Variants in MICAL3 observed in about 807,000 individuals in gnomAD.
MICAL3 encodes [F-actin]-monooxygenase MICAL3.
In MICAL3, 62 loss-of-function variants were observed where a neutral mutation model predicts 207.4. The observed-to-expected ratio is 0.30, with a 90% CI of 0.24 to 0.37. The LOEUF is 0.37. Ranked by LOEUF, MICAL3 falls within the 10% of genes least tolerant of loss-of-function variation. The probability of loss-of-function intolerance (pLI) is 1.00; values close to 1 mark genes in which losing one functional copy is unlikely to be tolerated. For synonymous variants in MICAL3, 1,077 were observed against 1,069.3 expected (o/e 1.01, Z -0.14); for missense variants, 2,368 against 2,635.6 (o/e 0.90, Z 2.22).
chr22:17,978,773 C>A (rs867478823), intron 1 of MICAL3, among the ~76,000 whole-genome samples: 28 of 151,902 alleles, frequency 1.8e-4, no homozygotes, highest in African/African-American at 6.5e-4. Flanking sequence ...CCCGCCTCGG[C>A]CTCCCAAAGT....
Position 17,790,798 on chromosome 22 carries a change from C to T in MICAL3, c.5943G>A (p.Glu1981=). Residue 1981 remains glutamate, a synonymous_variant, in exon 32 of 32, where the codon GAG becomes GAA. Coordinates refer to ENST00000441493, the MANE Select transcript of MICAL3 (RefSeq NM_015241.3). ...CCTCCAGGTCCTTGTCCTCCTCTCT[C>T]TCCCGGAGCCGCTGCTCCTCCAGCA... ...VALLEEQRLR[E]REEDKDLEAA... 2 of 1,613,396 alleles carry T rather than the reference C, an allele frequency of 1.2e-6. No homozygotes were observed. Among genetic ancestry groups the T allele is most frequent in the Non-Finnish European group, 1.7e-6 (2 of 1,179,760 alleles).
chr22:17,860,432 G>A (rs546537146), intron 19 of MICAL3: 18 of 985,320 alleles, frequency 1.8e-5, no homozygotes, highest in Middle Eastern at 5.2e-4. Flanking sequence ...TACCGCCGCC[G>A]GGAAGCCGGC....
chr22:17,923,966 G>T (rs749697327), intron 1 of MICAL3, among the ~76,000 whole-genome samples: 1 of 152,168 alleles, frequency 6.6e-6, no homozygotes, highest in Non-Finnish European at 1.5e-5. Context: ...TAGTGGAAGG[G>T]GAAGCAAACA....
Position 17,901,943 on chromosome 22 carries a change from T to G in MICAL3, c.626A>C (p.His209Pro). The stretch of plus-strand genomic sequence containing the variant: ...TTCAAATTCATACTCTGACACAGGA[T>G]GAGTCTTGGGGTGCACCAGTGCCCG... The part of the protein sequence containing the change: ...GWRALVHPKT[H>P]PVSEYEFEVI... Residue 209 changes from histidine (H) to proline (P), a missense_variant, in exon 5 of 32, where the codon CAT becomes CCT. Physicochemically the swap from His to Pro is moderately conservative, Grantham distance 77. Coordinates refer to ENST00000441493, the MANE Select transcript of MICAL3 (RefSeq NM_015241.3). 6.2e-7 allele frequency: 1 copy of G among 1,613,794 alleles called. No individual in the cohort carries two copies. The highest frequency in any genetic ancestry group is 8.5e-7 in the Non-Finnish European group (1 of 1,179,844).
rs777870341 is a variant in MICAL3, at chr22:17,818,192, A to T, written c.4469T>A (p.Leu1490Ter). 1 of 1,565,204 alleles carries T rather than the reference A, an allele frequency of 6.4e-7. No individual in the cohort carries two copies. Among genetic ancestry groups the T allele is most frequent in the Non-Finnish European group, 8.6e-7 (1 of 1,161,246 alleles). Residue 1490 changes from leucine to a stop codon, truncating the protein, a stop_gained, in exon 26 of 32, where the codon TTG (leucine) becomes TAG (stop). Transcript: ENST00000441493. LOFTEE classifies it high-confidence loss of function. ...EPNASVVPPP[L>*]PATWMRPPRE... ...GGGGGGCCGCATCCAGGTGGCGGGC[A>T]AGGGCGGCGGGACCACCGAGGCATT...
In MICAL3 at chr22:17,980,965, C is replaced by G. The variant is rs561392930; in HGVS notation, c.-75+43316G>C. 33 of 519,932 alleles carry G rather than the reference C, an allele frequency of 6.3e-5. No homozygotes were observed. In the East Asian group the frequency reaches 7.3e-4, roughly 11 times the overall value. 32.2% of individuals were successfully genotyped at this position (519,932 alleles called of 1,614,324 possible). On this transcript the variant is annotated intron_variant, in intron 1 of 31. Transcript: ENST00000441493. ...CACACTTGGAGGTGTCTGTGATCAT[C>G]TGTCTATTGGTCCCCTCCAGACACT...
At chr22:18,017,215 C>CTTT (rs550219938) in intron 1 of MICAL3, among the ~76,000 whole-genome samples, 2 of 144,612 alleles carry the variant, frequency 1.4e-5, no homozygotes, top group Non-Finnish European at 3.0e-5. Flanking sequence ...CAGAGGTTAA[C>CTTT]TTTTTTTTTT....
intron 19 of MICAL3, among the ~76,000 whole-genome samples, chr22:17,848,176 G>A (rs1021332022): frequency 1.3e-5 from 2 of 152,210 alleles, no homozygotes; most frequent in African/African-American, 2.4e-5. Flanking sequence ...TCACAGTGAC[G>A]TTCGTGCTGC....
At chr22:17,897,898 C>A (rs1930986075) in intron 7 of MICAL3, among the ~76,000 whole-genome samples, 1 of 152,198 alleles carries the variant, frequency 6.6e-6, no homozygotes, top group Admixed American at 6.5e-5. Flanking sequence ...TTGGAGGTTC[C>A]TGGCACACTG....
intron 1 of MICAL3, among the ~76,000 whole-genome samples, chr22:17,990,307 G>A (rs1225898223): frequency 6.6e-6 from 1 of 152,156 alleles, no homozygotes; most frequent in African/African-American, 2.4e-5. Context: ...AAAGAAACCT[G>A]TGCTGACTCA....
chr22:17,800,564 C>T (rs2061927028), intron 29 of MICAL3, among the ~76,000 whole-genome samples: 1 of 152,138 alleles, frequency 6.6e-6, no homozygotes, highest in Non-Finnish European at 1.5e-5. Context: ...TTAGGTAGTT[C>T]ACTGAGAGCC....
chr22:17,876,606 C>CA (rs201727902), intron 16 of MICAL3: 1 of 152,668 alleles, frequency 6.6e-6, no homozygotes, highest in Non-Finnish European at 1.5e-5. Flanking sequence ...CAGTAGCCCC[C>CA]TGGGGGGCAG....
In MICAL3 at chr22:17,806,330, G is replaced by A. The variant is rs905003493; in HGVS notation, c.5650+2514C>T. ...GTCCCTTTATGTAGGTGGGTAACAC[G>A]TTTTGCTGCGGTATTACAGCATGGC... On this transcript the variant is annotated intron_variant, in intron 29 of 31. Coordinates refer to ENST00000441493, the MANE Select transcript of MICAL3 (RefSeq NM_015241.3). Among the ~76,000 whole-genome samples, 12 of 152,092 alleles carry A rather than the reference G, an allele frequency of 7.9e-5. No individual in the cohort carries two copies. In the East Asian group the frequency reaches 1.5e-3, roughly 20 times the overall value.
intron 1 of MICAL3, among the ~76,000 whole-genome samples, chr22:17,907,114 A>C (rs1931783116): frequency 6.6e-6 from 1 of 152,216 alleles, no homozygotes; most frequent in Non-Finnish European, 1.5e-5. Context: ...AGGCAGACAC[A>C]GACACAGAAT....
chr22:17,808,786 C>T (rs1212905282), intron 29 of MICAL3, 58 bp downstream of exon 29: 4 of 1,438,674 alleles, frequency 2.8e-6, no homozygotes, highest in Non-Finnish European at 1.9e-6. Context: ...ACTAGCCTAC[C>T]ACGGCGGGAG....
intron 1 of MICAL3, among the ~76,000 whole-genome samples, chr22:17,909,256 G>A (rs758494168): frequency 2.0e-5 from 3 of 152,208 alleles, no homozygotes; most frequent in Non-Finnish European, 4.4e-5. Flanking sequence ...CAGTGTGGTG[G>A]CTCATGCCTG....
rs117700631 is a variant in MICAL3 at position 17,928,603 on chromosome 22, G to A, written c.-74-21717C>T. Among the ~76,000 whole-genome samples, 491 of 152,118 alleles carry A rather than the reference G, an allele frequency of 3.2e-3. 3 individuals are homozygous for A. The highest frequency in any genetic ancestry group is 5.1e-3 in the Non-Finnish European group (349 of 67,988). On this transcript the variant is annotated intron_variant, in intron 1 of 31. Transcript: ENST00000441493. ...TTAAGAAACATAAAGCCAACTTTACGTAATGCAGTACATGCACCACGCTTT... is the reference window on the plus strand; with the variant it reads ...TTAAGAAACATAAAGCCAACTTTACATAATGCAGTACATGCACCACGCTTT...
intron 1 of MICAL3, among the ~76,000 whole-genome samples, chr22:17,994,842 C>T (rs1922101635): frequency 6.6e-6 from 1 of 152,194 alleles, no homozygotes; most frequent in Non-Finnish European, 1.5e-5. Context: ...AACCACAAGG[C>T]TGTGCTGTCC....
At chr22:17,826,975 A>C (rs1922266204) in intron 22 of MICAL3, among the ~76,000 whole-genome samples, 1 of 152,230 alleles carries the variant, frequency 6.6e-6, no homozygotes, top group African/African-American at 2.4e-5. Context: ...GAAAATGTGC[A>C]CGCACAGAAG....
Sources: allele counts gnomAD v4.1 joint callset (sites outside exome capture counted in the v4.1 genomes callset), GRCh38; gene constraint gnomAD v4.1.1; transcripts MANE v1.5; gene names NCBI Gene and HGNC (gene_info 2026-07-23, HGNC 2026-07-21).